IQCJ: variants seen among roughly 807,000 people sequenced by gnomAD.
IQCJ encodes IQ motif containing J.
In IQCJ, 9 loss-of-function variants were observed where a neutral mutation model predicts 11.0. The observed-to-expected ratio is 0.82, with a 90% CI of 0.49 to 1.43. IQCJ has a LOEUF of 1.43. IQCJ is among the 40% of genes most tolerant of loss of function. The pLI, the probability that IQCJ is intolerant of heterozygous loss-of-function variation, is 0.00. For synonymous variants in IQCJ, 55 were observed against 51.3 expected, an observed-to-expected ratio of 1.07 and a Z score of -0.31; for missense variants, 146 against 133.2, an observed-to-expected ratio of 1.10 and a Z score of -0.47.
intron 1 of IQCJ, among the ~76,000 whole-genome samples, chr3:159,085,574 C>A (rs1012168753): frequency 6.8e-6 from 1 of 147,004 alleles, no homozygotes; most frequent in African/African-American, 2.5e-5. Flanking sequence ...TCCTCTCCAG[C>A]ACCTGTTGTT....
In IQCJ at chr3:159,262,690, G is replaced by A. The variant is rs994510916; in HGVS notation, c.298G>A (p.Val100Ile). 1.9e-6 allele frequency: 3 copies of A among 1,613,710 alleles called. No individual in the cohort carries two copies. Among genetic ancestry groups the A allele is most frequent in the African/African-American group, 2.7e-5 (2 of 74,912 alleles). The change falls in exon 4 of 4, where the codon GTC becomes ATC. Residue 100 changes from valine to isoleucine, a missense_variant. Transcript: ENST00000397832. ...TFSDSSTPVSVMFLFLCPDLT... is the reference protein window; with the variant it reads ...TFSDSSTPVSIMFLFLCPDLT... ...CTCCGACAGCAGCACACCCGTGAGT[G>A]TCATGTTTCTTTTTCTATGTCCTGA...
chr3:159,227,967 G>C (rs1577095390), intron 1 of IQCJ, among the ~76,000 whole-genome samples: 1 of 152,204 alleles, frequency 6.6e-6, no homozygotes, highest in Non-Finnish European at 1.5e-5. Flanking sequence ...TAGTCATCAG[G>C]CTGGGGATGA....
chr3:159,069,639 ATGT>A, intron 1 of IQCJ, 198 bp downstream of exon 1: 1 of 697,056 alleles, frequency 1.4e-6, no homozygotes, highest in Non-Finnish European at 2.3e-6. Context: ...GTGCATAAAT[ATGT>A]ATTATTTATG....
chr3:159,263,732 C>T lies in IQCJ; in HGVS notation c.*1001C>T. 2.0e-6 allele frequency: 2 copies of T among 984,768 alleles called. No homozygotes were observed. The highest frequency in any genetic ancestry group is 1.7e-5 in the African/African-American group (1 of 57,320). The allele number at this position is 984,768 out of a possible 1,614,324, so 61.0% of individuals were successfully genotyped here. On this transcript the variant is annotated 3_prime_UTR_variant, in exon 4 of 4. Transcript: ENST00000397832. ...GAAATGTTTTCAGATGGTTGCATTG[C>T]ATATTCTTCAATAAATGGTTTTGCC...
At chr3:159,193,100 C>T (rs537964803) in intron 1 of IQCJ, among the ~76,000 whole-genome samples, 25 of 152,232 alleles carry the variant, frequency 1.6e-4, no homozygotes, top group South Asian at 6.2e-4. Context: ...CTTTTCAGTC[C>T]GTAACTGCTA....
chr3:159,167,469 A>G (rs1333840409), intron 1 of IQCJ, among the ~76,000 whole-genome samples: 1 of 152,238 alleles, frequency 6.6e-6, no homozygotes, highest in Non-Finnish European at 1.5e-5. Context: ...TGATTGATTA[A>G]TAATACATTA....
intron 1 of IQCJ, among the ~76,000 whole-genome samples, chr3:159,118,837 A>G (rs1719182317): frequency 6.6e-6 from 1 of 152,202 alleles, no homozygotes; most frequent in African/African-American, 2.4e-5. Context: ...TGCCTAATCT[A>G]CAATACTGAA....
chr3:159,209,839 G>A (rs1006404987), intron 1 of IQCJ, among the ~76,000 whole-genome samples: 8 of 152,188 alleles, frequency 5.3e-5, no homozygotes, highest in Admixed American at 4.6e-4. Context: ...TCCTCCTGTA[G>A]AGCATTTGCA....
chr3:159,249,494 T>C (rs1372434312), intron 2 of IQCJ, among the ~76,000 whole-genome samples: 3 of 152,222 alleles, frequency 2.0e-5, no homozygotes, highest in Non-Finnish European at 4.4e-5. Flanking sequence ...TTTCCTTTCA[T>C]GCTTGTCCAG....
intron 1 of IQCJ, among the ~76,000 whole-genome samples, chr3:159,192,943 C>T (rs911588881): frequency 6.6e-6 from 1 of 152,204 alleles, no homozygotes; most frequent in East Asian, 1.9e-4. Flanking sequence ...GTCTTAGGGT[C>T]ACAGCTGACT....
At chr3:159,161,063 G>A (rs189151807) in intron 1 of IQCJ, among the ~76,000 whole-genome samples, 249 of 152,260 alleles carry the variant, frequency 1.6e-3, no homozygotes, top group African/African-American at 5.8e-3. Flanking sequence ...GGGATGGCTA[G>A]GTCAAATGAT....
chr3:159,201,624 A>ATTT (rs1553787627), intron 1 of IQCJ, among the ~76,000 whole-genome samples: 14 of 70,334 alleles, frequency 2.0e-4, no homozygotes, highest in African/African-American at 6.9e-4. Context: ...GTTGATAATG[A>ATTT]TTCTTTTTTT....
At chr3:159,213,278 T>C (rs1725049434) in intron 1 of IQCJ, among the ~76,000 whole-genome samples, 1 of 152,152 alleles carries the variant, frequency 6.6e-6, no homozygotes, top group African/African-American at 2.4e-5. Context: ...GAAATCAACA[T>C]AGCAGATTAG....
At chr3:159,129,362 T>C (rs1719861984) in intron 1 of IQCJ, among the ~76,000 whole-genome samples, 1 of 152,216 alleles carries the variant, frequency 6.6e-6, no homozygotes, top group Non-Finnish European at 1.5e-5. Context: ...CCTATAGAGC[T>C]AGCCATTTCC....
intron 1 of IQCJ, among the ~76,000 whole-genome samples, chr3:159,161,646 G>A (rs1247334438): frequency 6.6e-6 from 1 of 152,138 alleles, no homozygotes; most frequent in Non-Finnish European, 1.5e-5. Flanking sequence ...TTTTCTTCTA[G>A]GGTTTTTATG....
chr3:159,165,237 T>C (rs753350958), intron 1 of IQCJ, among the ~76,000 whole-genome samples: 22 of 152,190 alleles, frequency 1.4e-4, no homozygotes, highest in Non-Finnish European at 3.1e-4. Context: ...ATGAGGCAAA[T>C]AAATGTCTTG....
At chr3:159,199,044 T>G (rs1724161650) in intron 1 of IQCJ, among the ~76,000 whole-genome samples, 2 of 152,218 alleles carry the variant, frequency 1.3e-5, no homozygotes, top group South Asian at 4.1e-4. Flanking sequence ...TTCAGATGTC[T>G]AAAACAGGAA....
intron 1 of IQCJ, among the ~76,000 whole-genome samples, chr3:159,191,270 G>A (rs946782856): frequency 1.3e-5 from 2 of 152,180 alleles, no homozygotes; most frequent in Non-Finnish European, 2.9e-5. Flanking sequence ...GGGTTTAGGT[G>A]TACAGTTAGC....
chr3:159,207,449 A>G (rs186370610), intron 1 of IQCJ, among the ~76,000 whole-genome samples: 6 of 152,294 alleles, frequency 3.9e-5, no homozygotes, highest in Admixed American at 1.3e-4. Context: ...ATGAAGAGCT[A>G]TGGGGAAATT....
Sources: gnomAD v4.1 joint callset for allele counts (sites outside exome capture counted in the v4.1 genomes callset) on GRCh38, gnomAD v4.1.1 for gene constraint, MANE v1.5 for transcripts, NCBI Gene and HGNC (gene_info 2026-07-23, HGNC 2026-07-21) for gene names.